The following MAF variants were observed in gnomAD, a reference collection of about 807,000 sequenced individuals.
MAF encodes the protein MAF bZIP transcription factor.
MAF carries 10 observed loss-of-function variants against 22.0 expected under a neutral mutation model. The observed-to-expected ratio is 0.45, with a 90% confidence interval of 0.28 to 0.77. MAF has a LOEUF of 0.77. Ranked by LOEUF, MAF falls within the 30% of genes least tolerant of loss-of-function variation. MAF has a pLI of 0.12. For synonymous variants in MAF, 337 were observed against 255.8 expected (o/e 1.32, Z -3.03); for missense variants, 544 against 548.4 (o/e 0.99, Z 0.08).
the MAF span, among the ~76,000 whole-genome samples, chr16:79,561,515 G>T: frequency 3.5e-5 from 5 of 144,664 alleles, no homozygotes; most frequent in African/African-American, 1.3e-4. Context: ...CCCTTCCTGT[G>T]CCCACGTGTT....
chr16:79,594,713 A>G, intron 1 of MAF, 160 bp from the exon 2 acceptor site: 1 of 1,281,628 alleles, frequency 7.8e-7, no homozygotes, highest in South Asian at 1.7e-5. Flanking sequence ...TCTTTGTAAG[A>G]AAAAAAAAAC....
the MAF span, among the ~76,000 whole-genome samples, chr16:79,309,990 A>G: frequency 2.6e-5 from 4 of 152,218 alleles, no homozygotes; most frequent in Non-Finnish European, 5.9e-5. Flanking sequence ...ACCGTGGCTT[A>G]AAGGGCATTA....
the MAF span, among the ~76,000 whole-genome samples, chr16:79,248,727 C>G: frequency 6.6e-6 from 1 of 151,546 alleles, no homozygotes; most frequent in South Asian, 2.1e-4. Flanking sequence ...TTCATGCTGC[C>G]AAGTGTTTCT....
chr16:79,443,560 A>T, the MAF span, among the ~76,000 whole-genome samples: 1 of 152,212 alleles, frequency 6.6e-6, no homozygotes, highest in Non-Finnish European at 1.5e-5. Flanking sequence ...ATTAATTTCA[A>T]AAACTAAAGA....
chr16:79,310,285 A>C, the MAF span, among the ~76,000 whole-genome samples: 7 of 152,150 alleles, frequency 4.6e-5, no homozygotes, highest in African/African-American at 1.7e-4. Context: ...AGTTAGTGAG[A>C]ATCAACTAAG....
the MAF span, among the ~76,000 whole-genome samples, chr16:79,449,128 A>G: frequency 6.6e-6 from 1 of 152,208 alleles, no homozygotes; most frequent in Non-Finnish European, 1.5e-5. Context: ...TGGCATGCAC[A>G]GTTCACAATA....
At chr16:79,271,088 T>G in the MAF span, among the ~76,000 whole-genome samples, 131 of 143,090 alleles carry the variant, frequency 9.2e-4, 1 homozygote, top group Middle Eastern at 7.4e-3. Flanking sequence ...TTTTTATTTT[T>G]TATTTTTAGT....
chr16:79,506,679 A>G, the MAF span, among the ~76,000 whole-genome samples: 1 of 152,130 alleles, frequency 6.6e-6, no homozygotes, highest in Admixed American at 6.5e-5. Flanking sequence ...TTGAGGCAAC[A>G]CTCATGCTGT....
chr16:79,599,911 C>CGCCGCT lies in MAF; in HGVS notation c.-10_-9insAGCGGC, dbSNP rs1913901692. On this transcript the variant is annotated 5_prime_UTR_variant, in exon 1 of 2. Transcript: ENST00000326043. ...GCCAGTTCTGATGCCATTCTCCTGC[C>CGCCGCT]GCCGCCGCCGCCGCCGCCGCCGCTC... 2 of 95,884 alleles carry CGCCGCT rather than the reference C, an allele frequency of 2.1e-5. No individual in the cohort carries two copies. 5.9% of individuals were successfully genotyped at this position (95,884 alleles called of 1,614,324 possible).
chr16:79,447,891 C>CAAAAAAAAAAAAAAAAA, the MAF span, among the ~76,000 whole-genome samples: 27 of 72,540 alleles, frequency 3.7e-4, no homozygotes, highest in African/African-American at 1.9e-3. Flanking sequence ...GATTCCATCT[C>CAAAAAAAAAAAAAAAAA]AAAAAAAAAA....
At chr16:79,293,379 T>A in the MAF span, among the ~76,000 whole-genome samples, 1 of 152,218 alleles carries the variant, frequency 6.6e-6, no homozygotes. Flanking sequence ...ATGGAATTAT[T>A]TTCTGGAAAC....
chr16:79,480,107 C>G, the MAF span, among the ~76,000 whole-genome samples: 1 of 152,140 alleles, frequency 6.6e-6, no homozygotes, highest in African/African-American at 2.4e-5. Flanking sequence ...CCAGATACTC[C>G]TTGACTGCTT....
chr16:79,420,250 G>A, the MAF span, among the ~76,000 whole-genome samples: 63 of 152,260 alleles, frequency 4.1e-4, no homozygotes, highest in Non-Finnish European at 7.1e-4. Flanking sequence ...CTTGTATGGC[G>A]AACAAAATGT....
At chr16:79,550,906 C>T in the MAF span, among the ~76,000 whole-genome samples, 1 of 152,114 alleles carries the variant, frequency 6.6e-6, no homozygotes, top group Non-Finnish European at 1.5e-5. Flanking sequence ...ACTGAGCTCT[C>T]CCCCAGAACC....
the MAF span, among the ~76,000 whole-genome samples, chr16:79,376,884 T>C: frequency 6.6e-6 from 1 of 152,258 alleles, no homozygotes; most frequent in African/African-American, 2.4e-5. Flanking sequence ...TAGTATTCCA[T>C]GGTGTATATA....
the MAF span, among the ~76,000 whole-genome samples, chr16:79,408,951 CT>C: frequency 0.98 from 137,881 of 140,968 alleles, 67,432 homozygotes; most frequent in East Asian, 0.99. Flanking sequence ...TTTTTTACTG[CT>C]TTTTTTTTTT....
the MAF span, among the ~76,000 whole-genome samples, chr16:79,227,010 T>G: frequency 6.6e-6 from 1 of 151,928 alleles, no homozygotes; most frequent in South Asian, 2.1e-4. Context: ...GAAACATATA[T>G]TTGAAAAAAA....
chr16:79,273,989 C>G, the MAF span, among the ~76,000 whole-genome samples: 1 of 134,610 alleles, frequency 7.4e-6, no homozygotes, highest in Non-Finnish European at 1.5e-5. Context: ...CAGTCTTGCT[C>G]TGTCACCCAG....
At chr16:79,302,252 C>T in the MAF span, among the ~76,000 whole-genome samples, 5 of 152,208 alleles carry the variant, frequency 3.3e-5, no homozygotes, top group African/African-American at 1.2e-4. Context: ...GAGTTGGAGA[C>T]ACAAAGACAC....
Sources: gnomAD v4.1 joint callset for allele counts (sites outside exome capture counted in the v4.1 genomes callset) on GRCh38, gnomAD v4.1.1 for gene constraint, MANE v1.5 for transcripts, NCBI Gene and HGNC (gene_info 2026-07-23, HGNC 2026-07-21) for gene names.